Variants in VGLL4 observed in about 807,000 individuals in gnomAD.
The protein encoded by VGLL4 is transcription cofactor vestigial-like protein 4.
A neutral mutation model predicts 21.0 loss-of-function variants in VGLL4; 7 were observed. That is an observed-to-expected ratio of 0.33 (90% CI 0.19 to 0.63). VGLL4 has a LOEUF of 0.63. VGLL4 is among the 20% of genes least tolerant of loss of function. VGLL4 has a pLI of 0.78. For missense variants in VGLL4, 394 were observed against 425.7 expected (o/e 0.93, Z 0.66); for synonymous variants, 222 against 173.2 (o/e 1.28, Z -2.21).
intron 2 of VGLL4, among the ~76,000 whole-genome samples, chr3:11,672,496 C>T (rs552652498): frequency 2.6e-5 from 4 of 152,288 alleles, no homozygotes; most frequent in Non-Finnish European, 4.4e-5. Flanking sequence ...CATAATTCCC[C>T]ATGAGTCTTC....
intron 2 of VGLL4, among the ~76,000 whole-genome samples, chr3:11,680,245 C>T (rs2076350252): frequency 6.6e-6 from 1 of 152,162 alleles, no homozygotes; most frequent in South Asian, 2.1e-4. Context: ...TCGCAGATGA[C>T]ACAATTGCCT....
chr3:11,661,438 T>TATTTATTTATTC (rs1409906775), intron 2 of VGLL4, among the ~76,000 whole-genome samples: 1 of 147,664 alleles, frequency 6.8e-6, no homozygotes, highest in Non-Finnish European at 1.5e-5. Context: ...TTTTTCCTTT[T>TATTTATTTATTC]ATTTATTTAT....
chr3:11,651,336 C>CA (rs201737430), intron 2 of VGLL4, among the ~76,000 whole-genome samples: 15,121 of 108,014 alleles, frequency 0.14, 1,087 homozygotes, highest in African/African-American at 0.23. Flanking sequence ...GAGTGAGACT[C>CA]AAAAAAAAAA....
intron 1 of VGLL4, among the ~76,000 whole-genome samples, chr3:11,605,598 C>T (rs1335627217): frequency 6.6e-6 from 1 of 152,088 alleles, no homozygotes; most frequent in African/African-American, 2.4e-5. Context: ...AGGCTGTCCT[C>T]CTTGATTCCT....
intron 2 of VGLL4, among the ~76,000 whole-genome samples, chr3:11,654,087 AC>A (rs1450806192): frequency 1.3e-5 from 2 of 148,988 alleles, no homozygotes; most frequent in Non-Finnish European, 2.9e-5. Flanking sequence ...GACACCCCCC[AC>A]CACCACCACC....
At chr3:11,564,609 ACTC>A (rs915861673) in intron 3 of VGLL4, among the ~76,000 whole-genome samples, 185 bp downstream of exon 3, 3 of 149,370 alleles carry the variant, frequency 2.0e-5, no homozygotes, top group Non-Finnish European at 4.5e-5. Context: ...GCAGAAGAGG[ACTC>A]CTGTTCTGCT....
At chr3:11,672,018 T>C (rs2125369042) in intron 2 of VGLL4, among the ~76,000 whole-genome samples, 1 of 152,316 alleles carries the variant, frequency 6.6e-6, no homozygotes, top group East Asian at 1.9e-4. Context: ...TGCAACTCCT[T>C]TCTCCATTTG....
At chr3:11,632,049 G>A (rs1319134457) in intron 1 of VGLL4, among the ~76,000 whole-genome samples, 1 of 152,150 alleles carries the variant, frequency 6.6e-6, no homozygotes, top group Non-Finnish European at 1.5e-5. Flanking sequence ...TTGGCCGTGC[G>A]CAGTGGCTCA....
intron 1 of VGLL4, chr3:11,633,805 TAC>T (rs1190368850): frequency 2.6e-5 from 4 of 152,160 alleles, no homozygotes; most frequent in African/African-American, 9.7e-5. Context: ...CAAAAGGGCT[TAC>T]TCACAGGAAG....
intron 2 of VGLL4, among the ~76,000 whole-genome samples, chr3:11,597,618 C>T (rs769324661): frequency 6.6e-6 from 1 of 152,018 alleles, no homozygotes. Flanking sequence ...GATGTGGGAC[C>T]GTCCTTCATC....
At chr3:11,646,916 A>T (rs11718776), upstream of VGLL4, among the ~76,000 whole-genome samples, 5,575 of 152,312 alleles carry the variant, frequency 0.037, 128 homozygotes, top group Non-Finnish European at 0.056. Context: ...TAGATACAGA[A>T]ACGGAGAATG....
chr3:11,680,007 A>G (rs536014000), intron 2 of VGLL4, among the ~76,000 whole-genome samples: 5 of 152,312 alleles, frequency 3.3e-5, no homozygotes, highest in Admixed American at 2.0e-4. Context: ...TGCCCTATAC[A>G]GGTATTTCAA....
intron 1 of VGLL4, among the ~76,000 whole-genome samples, chr3:11,606,592 A>G (rs1220591121): frequency 6.6e-6 from 1 of 152,174 alleles, no homozygotes; most frequent in African/African-American, 2.4e-5. Flanking sequence ...AGCACCCTGT[A>G]GCTAGGATTG....
In VGLL4 at chr3:11,719,909, G is replaced by A. The variant is rs2076970376; in HGVS notation, c.-14+485C>T. Reference sequence around the variant, plus strand: ...CCCGAGAGGCGCCAGCGGGCAGGGCGAGTGGACATGGCGCACACTGCTGTG... The same window carrying A: ...CCCGAGAGGCGCCAGCGGGCAGGGCAAGTGGACATGGCGCACACTGCTGTG... On this transcript the variant is annotated intron_variant, in intron 1 of 5. Transcript: ENST00000273038. The surrounding 1 kb of genome is among the most constrained non-coding windows in gnomAD (Gnocchi z 4.0). 6.6e-6 allele frequency among the ~76,000 whole-genome samples: 1 copy of A among 152,040 alleles called. No homozygotes were observed. The highest frequency in any genetic ancestry group is 6.5e-5 in the Admixed American group (1 of 15,282).
At chr3:11,561,176 T>C (rs1299064659) in intron 3 of VGLL4, among the ~76,000 whole-genome samples, 1 of 152,108 alleles carries the variant, frequency 6.6e-6, no homozygotes, top group Non-Finnish European at 1.5e-5. Flanking sequence ...TCAGCCGGCT[T>C]GTTCTTTGCA....
intron 2 of VGLL4, among the ~76,000 whole-genome samples, chr3:11,648,936 C>A (rs1458435922): frequency 3.9e-5 from 6 of 152,304 alleles, no homozygotes; most frequent in South Asian, 4.1e-4. Context: ...AAACAGATAA[C>A]GCCTGTGTAT....
intron 1 of VGLL4, among the ~76,000 whole-genome samples, chr3:11,631,106 C>T (rs1272154620): frequency 6.6e-6 from 1 of 152,210 alleles, no homozygotes; most frequent in Non-Finnish European, 1.5e-5. Flanking sequence ...CTACGTTAGG[C>T]ACAAGAAGCT....
chr3:11,566,904 C>T (rs1159027933), intron 2 of VGLL4, among the ~76,000 whole-genome samples: 1 of 152,106 alleles, frequency 6.6e-6, no homozygotes, highest in African/African-American at 2.4e-5. Context: ...TGAAGAGAAG[C>T]AGCATATGGG....
At chr3:11,665,207 G>A (rs1163595520) in intron 2 of VGLL4, among the ~76,000 whole-genome samples, 1 of 141,950 alleles carries the variant, frequency 7.0e-6, no homozygotes, top group African/African-American at 2.7e-5. Flanking sequence ...TCCGCCTCCT[G>A]GGTTCACGCC....
Sources: allele counts gnomAD v4.1 joint callset (sites outside exome capture counted in the v4.1 genomes callset), GRCh38; gene constraint gnomAD v4.1.1; non-coding constraint Gnocchi (gnomAD v3.1); transcripts MANE v1.5; gene names NCBI Gene and HGNC (gene_info 2026-07-23, HGNC 2026-07-21).